The following BCORL1 variants were observed in gnomAD, a reference collection of about 807,000 sequenced individuals.
BCORL1 encodes the protein BCL6 corepressor like 1.
In BCORL1, 7 loss-of-function variants were observed where a neutral mutation model predicts 87.6. The ratio of observed to expected loss-of-function variants is 0.08; its 90% confidence interval spans 0.05 to 0.15. BCORL1 has a LOEUF of 0.15. Ranked by LOEUF, BCORL1 falls within the 10% of genes least tolerant of loss-of-function variation. BCORL1 has a pLI of 1.00. For synonymous variants in BCORL1, 591 were observed against 634.4 expected (o/e 0.93, Z 1.03); for missense variants, 1,215 against 1,499.7 (o/e 0.81, Z 3.13).
At chrX:130,030,388 C>T (rs745372357) in intron 8 of BCORL1, among the ~76,000 whole-genome samples, 27 of 111,592 alleles carry the variant, frequency 2.4e-4, no homozygotes, top group African/African-American at 8.5e-4. Flanking sequence ...GCTCTTAATT[C>T]CCGCAGTGGC....
intron 4 of BCORL1, among the ~76,000 whole-genome samples, chrX:130,020,685 G>A (rs767873642): frequency 8.9e-6 from 1 of 112,020 alleles, no homozygotes; most frequent in African/African-American, 3.2e-5. Flanking sequence ...TATGGGGCCT[G>A]ACTTTGCACC....
At chrX:130,047,198 G>A (rs1365643070) in intron 11 of BCORL1, among the ~76,000 whole-genome samples, 1 of 111,802 alleles carries the variant, frequency 8.9e-6, no homozygotes, top group Non-Finnish European at 1.9e-5. Context: ...GAGCACGCAT[G>A]TACAAATACT....
chrX:130,013,626 T>G lies in BCORL1; in HGVS notation c.854T>G (p.Val285Gly), dbSNP rs1929159689. 8.3e-7 allele frequency: 1 copy of G among 1,211,215 alleles called. No individual in the cohort carries two copies. The highest frequency in any genetic ancestry group is 1.1e-6 in the Non-Finnish European group (1 of 895,408). ...GTTTCGGCCTCAGTCTTGGTGCCTG[T>G]GCCAGCTTCTGCTCCCCCTTCAGGC... The part of the protein sequence containing the change: ...LSVSASVLVP[V>G]PASAPPSGPV... The change falls in exon 4 of 14, where the codon GTG (valine) becomes GGG (glycine). Residue 285 changes from valine (V) to glycine (G), a missense_variant. This residue lies in a region of BCORL1 where 861 missense variants were observed against 1,010.0 expected (regional missense o/e 0.85). Transcript: ENST00000540052.
chrX:130,049,209 T>C (rs879164673), intron 11 of BCORL1, among the ~76,000 whole-genome samples: 1 of 112,316 alleles, frequency 8.9e-6, no homozygotes, highest in Non-Finnish European at 1.9e-5. Context: ...TTTTACCTTT[T>C]GAGGAACGAC....
chrX:130,044,051 G>A (rs947461327), intron 11 of BCORL1, among the ~76,000 whole-genome samples: 1 of 105,675 alleles, frequency 9.5e-6, no homozygotes, highest in East Asian at 3.0e-4. Context: ...GATTACAGGC[G>A]TGAGCCACCA....
chrX:130,056,077 G>A lies in BCORL1; in HGVS notation c.5299G>A (p.Glu1767Lys), dbSNP rs757608351. 1.8e-5 allele frequency: 21 copies of A among 1,197,804 alleles called. No homozygotes were observed. The highest frequency in any genetic ancestry group is 1.9e-5 in the Non-Finnish European group (17 of 887,747). ...TGAGACTGTGGAGCTGGTGCGGTAC[G>A]AGCCAGACCTACTTCGGCTCCTAGG... The part of the protein sequence containing the change: ...SSETVELVRY[E>K]PDLLRLLGSE... The change falls in exon 14 of 14, where the codon GAG becomes AAG. Residue 1767 changes from glutamate (E) to lysine (K), a missense_variant. Around this residue, in one of 5 missense-constraint regions of BCORL1, gnomAD observed 129 missense variants for 157.5 expected, o/e 0.82. Coordinates refer to ENST00000540052, the MANE Select transcript of BCORL1 (RefSeq NM_001379451.1).
At chrX:130,041,235 G>A (rs1931289407) in intron 11 of BCORL1, among the ~76,000 whole-genome samples, 1 of 102,703 alleles carries the variant, frequency 9.7e-6, no homozygotes, top group Non-Finnish European at 2.0e-5. Context: ...AGCCAGGTAT[G>A]GTGACTGCAC....
intron 4 of BCORL1, among the ~76,000 whole-genome samples, chrX:130,017,810 A>G (rs944266162): frequency 9.1e-6 from 1 of 109,739 alleles, no homozygotes; most frequent in Admixed American, 9.7e-5. Context: ...CTGGCTAATT[A>G]TTTTTTGTAG....
chrX:129,986,747 A>C (rs1352092016), intron 1 of BCORL1, among the ~76,000 whole-genome samples: 3 of 111,895 alleles, frequency 2.7e-5, no homozygotes, highest in African/African-American at 9.8e-5. Context: ...TGAACCTGGG[A>C]GGTGGAGGTT....
At chrX:130,011,680 T>C (rs1201456989) in intron 2 of BCORL1, among the ~76,000 whole-genome samples, 1 of 111,142 alleles carries the variant, frequency 9.0e-6, no homozygotes, top group Non-Finnish European at 1.9e-5. Flanking sequence ...CAGGGGGAGA[T>C]GCATTTGAGT....
chrX:130,043,777 TATATATA>T (rs1454358708), intron 11 of BCORL1, among the ~76,000 whole-genome samples: 3 of 23,864 alleles, frequency 1.3e-4, no homozygotes, highest in South Asian at 3.0e-3. Context: ...TATATATATA[TATATATA>T]TTTTTTTTTT....
At chrX:130,052,903 A>T (rs1932151441) in intron 13 of BCORL1, among the ~76,000 whole-genome samples, 1 of 112,381 alleles carries the variant, frequency 8.9e-6, no homozygotes, top group African/African-American at 3.2e-5. Context: ...GCACTTTGGG[A>T]GGCCGAGGCA....
chrX:130,034,696 A>G lies in BCORL1; in HGVS notation c.4527+20A>G. On this transcript the variant is annotated intron_variant, in intron 9 of 13. Coordinates refer to ENST00000540052, the MANE Select transcript of BCORL1 (RefSeq NM_001379451.1). Reference sequence around the variant, plus strand: ...TATAAGGTAAGGGAGTTTTCGACTGACCACAGGGCGCCGTTGGTCTGAGCA... The same window carrying G: ...TATAAGGTAAGGGAGTTTTCGACTGGCCACAGGGCGCCGTTGGTCTGAGCA... The G allele has an allele frequency of 1.0e-6, 1 of 954,002 alleles. No homozygotes were observed. Among genetic ancestry groups the G allele is most frequent in the South Asian group, 2.0e-5 (1 of 49,850 alleles). The allele number at this position is 954,002 out of a possible 1,213,427, so 78.6% of individuals were successfully genotyped here.
In BCORL1 at chrX:130,039,118, C is replaced by A; in HGVS notation, c.4695-19C>A. 2 of 1,209,918 alleles carry A rather than the reference C, an allele frequency of 1.7e-6. No homozygotes were observed. The highest frequency in any genetic ancestry group is 2.2e-6 in the Non-Finnish European group (2 of 894,356). On this transcript the variant is annotated intron_variant, in intron 10 of 13. Transcript: ENST00000540052. ...TCCCACTTGGGCCCTGTTATCCTCA[C>A]CCTGTATCACCTCCACAGGCCAGTT...
At position 130,013,790 on chromosome X, in the gene BCORL1, C is replaced by T; in HGVS notation, c.1018C>T (p.Pro340Ser). ...TCCCGTCCCCACTCCGGTTCTGGCTCCCATGCCAGCATCCACGCCTCCAGC... is the reference window on the plus strand; with the variant it reads ...TCCCGTCCCCACTCCGGTTCTGGCTTCCATGCCAGCATCCACGCCTCCAGC... ...LAPVPTPVLA[P>S]MPASTPPAAP... is the part of the protein sequence containing the mutation. The change falls in exon 4 of 14, where the codon CCC becomes TCC. Residue 340 changes from proline to serine, a missense_variant. Physicochemically the swap from Pro to Ser is moderately conservative, Grantham distance 74. This residue lies in a region of BCORL1 where 861 missense variants were observed against 1,010.0 expected (regional missense o/e 0.85). Coordinates refer to ENST00000540052, the MANE Select transcript of BCORL1 (RefSeq NM_001379451.1). 2.6e-6 allele frequency: 3 copies of T among 1,172,621 alleles called. No homozygotes were observed. The highest frequency in any genetic ancestry group is 3.4e-6 in the Non-Finnish European group (3 of 876,443).
At chrX:129,995,230 TCCTGACCTCAAGTTATCCA>T (rs1218211748) in intron 1 of BCORL1, among the ~76,000 whole-genome samples, 94 of 110,392 alleles carry the variant, frequency 8.5e-4, no homozygotes, top group African/African-American at 3.0e-3. Flanking sequence ...GGTCTCGAAC[TCCTGACCTCAAGTTATCCA>T]CCTACCTTGG....
In BCORL1 at chrX:130,056,029, G is replaced by C; in HGVS notation, c.5251G>C (p.Asp1751His). The change falls in exon 14 of 14, where the codon GAC becomes CAC. Residue 1751 changes from aspartate (D) to histidine (H), a missense_variant. By Grantham distance (81) the Asp-to-His change is moderately conservative (BLOSUM62 -1). Transcript: ENST00000540052. ...TPAERPGGLD[D>H]RSPPGSSETV... ...TGCCGAGAGGCCTGGAGGCTTGGAC[G>C]ACAGATCCCCCCCAGGCTCCTCTGA... The C allele has an allele frequency of 8.2e-7, 1 of 1,212,188 alleles. No individual in the cohort carries two copies. The highest frequency in any genetic ancestry group is 1.1e-6 in the Non-Finnish European group (1 of 895,578).
At chrX:130,048,819 C>T (rs182049251) in intron 11 of BCORL1, among the ~76,000 whole-genome samples, 5 of 111,834 alleles carry the variant, frequency 4.5e-5, no homozygotes, top group African/African-American at 1.3e-4. Flanking sequence ...CATACCCTCC[C>T]GCTCTCCCCC....
intron 8 of BCORL1, among the ~76,000 whole-genome samples, chrX:130,029,308 T>G (rs929153668): frequency 3.6e-5 from 4 of 111,097 alleles, no homozygotes; most frequent in Non-Finnish European, 5.7e-5. Context: ...GGGGCCCAGG[T>G]TCTAGCTACT....
Sources: gnomAD v4.1 joint callset for allele counts (sites outside exome capture counted in the v4.1 genomes callset) on GRCh38, gnomAD v4.1.1 for gene constraint, gnomAD v4.1.1 regional missense constraint, MANE v1.5 for transcripts, NCBI Gene and HGNC (gene_info 2026-07-23, HGNC 2026-07-21) for gene names.